Variants in USO1 observed in about 807,000 individuals in gnomAD.
USO1 encodes USO1 vesicle transport factor.
In USO1, 57 loss-of-function variants were observed where a neutral mutation model predicts 124.5. The ratio of observed to expected loss-of-function variants is 0.46; its 90% CI spans 0.37 to 0.57. The LOEUF is 0.57. Among genes scored for constraint, USO1 ranks in the 20% least tolerant of loss-of-function variants. The pLI is 0.00. For missense variants in USO1, 900 were observed against 1,040.6 expected (o/e 0.86, Z 1.86); for synonymous variants, 369 against 362.8 (o/e 1.02, Z -0.19).
At chr4:75,741,896 C>T (rs1720972160) in intron 1 of USO1, among the ~76,000 whole-genome samples, 1 of 152,020 alleles carries the variant, frequency 6.6e-6, no homozygotes, top group African/African-American at 2.4e-5. Context: ...TGCCCGGCCA[C>T]TTTTTTGTTA....
At chr4:75,776,327 C>T (rs1047123951) in intron 8 of USO1, among the ~76,000 whole-genome samples, 1 of 152,064 alleles carries the variant, frequency 6.6e-6, no homozygotes, top group Non-Finnish European at 1.5e-5. Flanking sequence ...AGAAACGGAG[C>T]ATTTCAAGAT....
chr4:75,767,698 A>T (rs767747113), intron 4 of USO1, among the ~76,000 whole-genome samples: 2 of 152,192 alleles, frequency 1.3e-5, no homozygotes, highest in Non-Finnish European at 2.9e-5. Flanking sequence ...TAATGGGTGT[A>T]TTTTTGGTCT....
intron 1 of USO1, among the ~76,000 whole-genome samples, chr4:75,734,223 C>A (rs771494130): frequency 6.6e-6 from 1 of 152,144 alleles, no homozygotes; most frequent in South Asian, 2.1e-4. Flanking sequence ...GGATTACAGG[C>A]GTAAGCCACC....
chr4:75,734,402 C>T (rs1043022596), intron 1 of USO1, among the ~76,000 whole-genome samples: 6 of 152,178 alleles, frequency 3.9e-5, no homozygotes, highest in Admixed American at 2.0e-4. Flanking sequence ...AGTCCTTTCT[C>T]CATTGCTTGT....
chr4:75,733,857 A>G (rs1281806824), intron 1 of USO1, among the ~76,000 whole-genome samples: 1 of 151,108 alleles, frequency 6.6e-6, no homozygotes, highest in Non-Finnish European at 1.5e-5. Flanking sequence ...TTTTGTCACA[A>G]TTGCTTTTGG....
At position 75,764,678 on chromosome 4, in the gene USO1, C is replaced by T. The variant is rs149708669; in HGVS notation, c.296-5761C>T. ...TTAATGTTTTCCCAAATGTCAATAACTATAATTTTTAGCTTTTCTCATGAG... is the reference window on the plus strand; with the variant it reads ...TTAATGTTTTCCCAAATGTCAATAATTATAATTTTTAGCTTTTCTCATGAG... On this transcript the variant is annotated intron_variant, in intron 4 of 23. Coordinates refer to ENST00000514213, the MANE Select transcript of USO1 (RefSeq NM_003715.4). Among the ~76,000 whole-genome samples the T allele has an allele frequency of 2.6e-5, 4 of 152,122 alleles. No homozygotes were observed. The East Asian group carries it at 7.7e-4, about 29-fold the overall frequency.
intron 9 of USO1, among the ~76,000 whole-genome samples, chr4:75,783,533 AAGTTTATACT>A (rs1469827141): frequency 6.6e-6 from 1 of 152,132 alleles, no homozygotes; most frequent in African/African-American, 2.4e-5. Flanking sequence ...CCAAACTGTT[AAGTTTATACT>A]AGTCTCCTTA....
intron 1 of USO1, among the ~76,000 whole-genome samples, chr4:75,733,820 A>G (rs918023523): frequency 2.0e-5 from 3 of 151,890 alleles, no homozygotes; most frequent in African/African-American, 7.3e-5. Flanking sequence ...TCTTTAGTAT[A>G]ATTAGGTCCC....
At chr4:75,778,755 T>C (rs1165429215) in intron 8 of USO1, among the ~76,000 whole-genome samples, 3 of 152,206 alleles carry the variant, frequency 2.0e-5, no homozygotes, top group Admixed American at 2.0e-4. Context: ...GAGTGAACCT[T>C]AATGTAAACT....
intron 4 of USO1, among the ~76,000 whole-genome samples, chr4:75,766,123 T>G (rs1721762767): frequency 6.6e-6 from 1 of 152,184 alleles, no homozygotes; most frequent in Non-Finnish European, 1.5e-5. Context: ...TTAGAGTCAG[T>G]TACTTTTTTT....
chr4:75,800,268 G>A, intron 14 of USO1, 83 bp from the exon 15 acceptor site: 1 of 1,436,082 alleles, frequency 7.0e-7, no homozygotes, highest in East Asian at 2.6e-5. Flanking sequence ...GAACTCTTAT[G>A]TGAAGTATTA....
chr4:75,805,678 T>C (rs1412733321), intron 19 of USO1, among the ~76,000 whole-genome samples: 1 of 151,370 alleles, frequency 6.6e-6, no homozygotes, highest in Non-Finnish European at 1.5e-5. Context: ...CTTCACCTCA[T>C]TGCCTGTGCG....
At chr4:75,769,495 A>G (rs1375580614) in intron 4 of USO1, among the ~76,000 whole-genome samples, 1 of 152,008 alleles carries the variant, frequency 6.6e-6, no homozygotes, top group African/African-American at 2.4e-5. Flanking sequence ...CCTCACATTT[A>G]GAAAAGAATT....
At chr4:75,774,960 A>G (rs1722034263) in intron 8 of USO1, among the ~76,000 whole-genome samples, 164 bp downstream of exon 8, 1 of 152,110 alleles carries the variant, frequency 6.6e-6, no homozygotes, top group Non-Finnish European at 1.5e-5. Flanking sequence ...CCTGTTTCAT[A>G]TTTGTTAGGC....
chr4:75,766,836 C>G (rs1034034384), intron 4 of USO1, among the ~76,000 whole-genome samples: 1 of 152,168 alleles, frequency 6.6e-6, no homozygotes, highest in African/African-American at 2.4e-5. Flanking sequence ...TTTAACTGGT[C>G]TTACTCAAAA....
At chr4:75,792,308 G>A (rs764091513) in intron 12 of USO1, among the ~76,000 whole-genome samples, 13 of 152,074 alleles carry the variant, frequency 8.5e-5, no homozygotes, top group East Asian at 1.9e-4. Context: ...AGGCCAAGGC[G>A]GGTGGATCAC....
At chr4:75,768,697 G>A (rs1396426687) in intron 4 of USO1, among the ~76,000 whole-genome samples, 1 of 152,118 alleles carries the variant, frequency 6.6e-6, no homozygotes, top group African/African-American at 2.4e-5. Context: ...GGACATTCTT[G>A]CCTCCTTCTG....
chr4:75,764,388 AG>A (rs1721706025), intron 4 of USO1, among the ~76,000 whole-genome samples: 1 of 152,224 alleles, frequency 6.6e-6, no homozygotes, highest in Admixed American at 6.5e-5. Flanking sequence ...ACACTGGTGT[AG>A]TAAGTGCTGA....
At chr4:75,750,191 T>C (rs1263646850) in intron 1 of USO1, among the ~76,000 whole-genome samples, 3 of 152,158 alleles carry the variant, frequency 2.0e-5, no homozygotes, top group Non-Finnish European at 4.4e-5. Flanking sequence ...CCCAGCACTT[T>C]GGGAGGCCAA....
Sources: allele counts gnomAD v4.1 joint callset (sites outside exome capture counted in the v4.1 genomes callset), GRCh38; gene constraint gnomAD v4.1.1; transcripts MANE v1.5; gene names NCBI Gene and HGNC (gene_info 2026-07-23, HGNC 2026-07-21).